Variants in ATF2 observed in about 807,000 individuals in gnomAD.
ATF2 encodes the protein activating transcription factor 2, also known as cyclic AMP-dependent transcription factor ATF-2.
A neutral mutation model predicts 60.6 loss-of-function variants in ATF2; 24 were observed. That is an observed-to-expected ratio of 0.40 (90% CI 0.29 to 0.56). The LOEUF is 0.56. ATF2 is among the 20% of genes least tolerant of loss of function. The probability of loss-of-function intolerance (pLI) is 0.54; values close to 1 mark genes in which losing one functional copy is unlikely to be tolerated. For missense variants in ATF2, 433 were observed against 607.7 expected, an observed-to-expected ratio of 0.71 and a Z score of 3.02; for synonymous variants, 206 against 215.4, an observed-to-expected ratio of 0.96 and a Z score of 0.38.
At chr2:175,108,776 C>T (rs928320880) in intron 10 of ATF2, among the ~76,000 whole-genome samples, 1 of 142,040 alleles carries the variant, frequency 7.0e-6, no homozygotes, top group African/African-American at 2.9e-5. Flanking sequence ...CAGATTGTTG[C>T]TGTATCTGTG....
At position 175,140,687 on chromosome 2, in the gene ATF2, T is replaced by C. The variant is rs535874060; in HGVS notation, c.-43-4201A>G. ...TTTTTAAAAGGATACCTTGAACTGT[T>C]TGAAAAATAATAAATCCTGCCCAAG... On this transcript the variant is annotated intron_variant, in intron 2 of 13. Transcript: ENST00000264110. 4.1e-4 allele frequency among the ~76,000 whole-genome samples: 56 copies of C among 136,784 alleles called. No homozygotes were observed. The South Asian group carries it at 0.01, about 25-fold the overall frequency. The allele number at this position is 136,784 out of a possible 152,430, so 89.7% of individuals were successfully genotyped here.
chr2:175,096,890 C>T (rs980537127), intron 11 of ATF2, among the ~76,000 whole-genome samples: 2 of 152,126 alleles, frequency 1.3e-5, no homozygotes, highest in Non-Finnish European at 2.9e-5. Context: ...CCTATAACAT[C>T]AATACTTTGG....
chr2:175,121,822 A>G (rs1193715794), intron 4 of ATF2, among the ~76,000 whole-genome samples: 1 of 151,800 alleles, frequency 6.6e-6, no homozygotes, highest in Non-Finnish European at 1.5e-5. Flanking sequence ...GAAACTTTAT[A>G]TAAATTTCTT....
intron 1 of ATF2, among the ~76,000 whole-genome samples, chr2:175,159,024 G>A (rs1574507913): frequency 6.6e-6 from 1 of 152,046 alleles, no homozygotes; most frequent in East Asian, 1.9e-4. Flanking sequence ...TTGACTTTTA[G>A]ATAAGAGTTT....
chr2:175,118,286 C>A lies in ATF2; in HGVS notation c.283G>T (p.Glu95Ter). 6.2e-7 allele frequency: 1 copy of A among 1,609,336 alleles called. No homozygotes were observed. The highest frequency in any genetic ancestry group is 8.5e-7 in the Non-Finnish European group (1 of 1,177,944). The change falls in exon 6 of 14, where the codon GAA (glutamate) becomes TAA (stop). Residue 95 changes from glutamate (E) to a stop codon, truncating the protein, a stop_gained. Transcript: ENST00000264110. LOFTEE classifies it high-confidence loss of function. ...FNELASPFENEFKKASEDDIK... is the reference protein window; with the variant it reads ...FNELASPFEN ...TCATCTTCTGAAGCTTTCTTGAATTCATTCTCAAATGGACTCGCCAACTCA... is the reference window on the plus strand; with the variant it reads ...TCATCTTCTGAAGCTTTCTTGAATTAATTCTCAAATGGACTCGCCAACTCA...
intron 1 of ATF2, among the ~76,000 whole-genome samples, chr2:175,163,918 C>CAAAAAAAAAAAAAAAAAAAAAAAAAA (rs1176905315): frequency 1.6e-4 from 5 of 30,314 alleles, no homozygotes; most frequent in Admixed American, 1.0e-3. Flanking sequence ...AACTCCGTCT[C>CAAAAAAAAAAAAAAAAAAAAAAAAAA]AAAAAAAAAA....
chr2:175,127,803 A>C (rs952917688), intron 4 of ATF2, among the ~76,000 whole-genome samples: 52 of 152,142 alleles, frequency 3.4e-4, no homozygotes, highest in African/African-American at 1.2e-3. Flanking sequence ...TCCCTGGTTA[A>C]CCTATCTAAA....
intron 10 of ATF2, among the ~76,000 whole-genome samples, chr2:175,106,877 A>C (rs1176922174): frequency 6.6e-6 from 1 of 152,026 alleles, no homozygotes; most frequent in Admixed American, 6.6e-5. Context: ...AATAAAAACA[A>C]TTGGCCCGGT....
At chr2:175,132,054 T>C (rs761715784) in intron 3 of ATF2, among the ~76,000 whole-genome samples, 1 of 152,224 alleles carries the variant, frequency 6.6e-6, no homozygotes, top group African/African-American at 2.4e-5. Flanking sequence ...AATTCTCCTA[T>C]GTGCTTCTGG....
At chr2:175,166,515 T>C (rs1315293897) in intron 1 of ATF2, among the ~76,000 whole-genome samples, 2 of 152,190 alleles carry the variant, frequency 1.3e-5, no homozygotes, top group African/African-American at 2.4e-5. Flanking sequence ...TTCCTAACAT[T>C]TTTGAAACAA....
intron 4 of ATF2, chr2:175,126,817 C>T (rs968111677): frequency 5.9e-5 from 9 of 152,132 alleles, no homozygotes; most frequent in African/African-American, 1.4e-4. Context: ...CCTAGAAACA[C>T]ATATTGCATT....
intron 3 of ATF2, among the ~76,000 whole-genome samples, chr2:175,134,969 A>T (rs1374542498): frequency 6.7e-6 from 1 of 149,812 alleles, no homozygotes; most frequent in Admixed American, 6.7e-5. Context: ...GTGCCACTGC[A>T]ATCCAGCCTG....
At chr2:175,143,038 T>C (rs1255985254) in intron 2 of ATF2, among the ~76,000 whole-genome samples, 1 of 152,148 alleles carries the variant, frequency 6.6e-6, no homozygotes, top group East Asian at 1.9e-4. Flanking sequence ...TTCATTGGCG[T>C]TCAGAAGGAG....
intron 13 of ATF2, chr2:175,080,455 A>G (rs1693686205): frequency 5.3e-6 from 2 of 378,234 alleles, no homozygotes; most frequent in East Asian, 7.7e-5. Context: ...GCTTAGGAAA[A>G]AAGCTAGAAA....
At chr2:175,165,868 GT>G (rs994982607) in intron 1 of ATF2, among the ~76,000 whole-genome samples, 14 of 152,236 alleles carry the variant, frequency 9.2e-5, no homozygotes, top group African/African-American at 3.1e-4. Context: ...GTTTCACCGT[GT>G]TAGCTAGGAT....
chr2:175,074,881 G>C (rs1177261195), intron 13 of ATF2, 46 bp from the exon 14 acceptor site: 4 of 1,604,694 alleles, frequency 2.5e-6, no homozygotes, highest in Admixed American at 1.7e-5. Context: ...AAATCGGTAA[G>C]AATGCACCAG....
Position 175,143,755 on chromosome 2 carries a change from G to A in ATF2, c.-43-7269C>T, listed in dbSNP as rs139414956. Reference sequence around the variant, plus strand: ...GGCTGAACTTTTTCATATATATAATGGTTATTTGTAGTTCTATGTAAAATG... The same window carrying A: ...GGCTGAACTTTTTCATATATATAATAGTTATTTGTAGTTCTATGTAAAATG... On this transcript the variant is annotated intron_variant, in intron 2 of 13. Coordinates refer to ENST00000264110, the MANE Select transcript of ATF2 (RefSeq NM_001880.4). Among the ~76,000 whole-genome samples the A allele has an allele frequency of 2.1e-3, 318 of 151,518 alleles. 1 individual carries two copies. Among genetic ancestry groups the A allele is most frequent in the African/African-American group, 7.4e-3 (307 of 41,372 alleles).
intron 1 of ATF2, among the ~76,000 whole-genome samples, chr2:175,163,632 A>G (rs1339925590): frequency 6.8e-6 from 1 of 146,902 alleles, no homozygotes; most frequent in East Asian, 2.0e-4. Flanking sequence ...AGGAAAAAAA[A>G]TCAATAAACA....
At chr2:175,151,243 G>T (rs554767072) in intron 1 of ATF2, 85 bp from the exon 2 acceptor site, 1 of 151,984 alleles carries the variant, frequency 6.6e-6, no homozygotes, top group African/African-American at 2.4e-5. Flanking sequence ...CAATTCCATA[G>T]AATTTTTAAA....
Sources: gnomAD v4.1 joint callset for allele counts (sites outside exome capture counted in the v4.1 genomes callset) on GRCh38, gnomAD v4.1.1 for gene constraint, MANE v1.5 for transcripts, NCBI Gene and HGNC (gene_info 2026-07-23, HGNC 2026-07-21) for gene names.